Variants in SH3GL3 observed in about 807,000 individuals in gnomAD.
SH3GL3 encodes SH3 domain containing GRB2 like 3, endophilin A3, also known as endophilin-A3.
In SH3GL3, 33 loss-of-function variants were observed where a neutral mutation model predicts 47.7. The observed-to-expected ratio is 0.69, with a 90% CI of 0.52 to 0.92. The LOEUF (loss-of-function observed/expected upper bound fraction) is 0.92. Ranked by LOEUF, SH3GL3 falls within the 40% of genes least tolerant of loss-of-function variation. SH3GL3 has a pLI of 0.00. For missense variants in SH3GL3, 363 were observed against 417.8 expected (o/e 0.87, Z 1.14); for synonymous variants, 155 against 148.8 (o/e 1.04, Z -0.30).
At chr15:83,586,846 A>G (rs1046899195) in intron 6 of SH3GL3, 137 bp from the exon 7 acceptor site, 7 of 496,916 alleles carry the variant, frequency 1.4e-5, no homozygotes, top group Non-Finnish European at 2.2e-5. Flanking sequence ...CAGAGCTCCT[A>G]CATGAAATTA....
chr15:83,521,911 A>C (rs886274566), intron 1 of SH3GL3, among the ~76,000 whole-genome samples: 1 of 152,130 alleles, frequency 6.6e-6, no homozygotes, highest in Non-Finnish European at 1.5e-5. Context: ...ATATGCATTC[A>C]TTTTTGAGGT....
At chr15:83,589,568 G>C (rs1031793866) in intron 8 of SH3GL3, among the ~76,000 whole-genome samples, 8 of 151,710 alleles carry the variant, frequency 5.3e-5, no homozygotes, top group Non-Finnish European at 1.2e-4. Flanking sequence ...GTAGAGACAA[G>C]GTCTTACTTT....
rs1240784224 is a variant in SH3GL3 at position 83,587,185 on chromosome 15, CT to C, written c.728+100del. 31 of 622,956 alleles carry C rather than the reference CT, an allele frequency of 5.0e-5. No individual in the cohort carries two copies. In the East Asian group the frequency reaches 9.3e-4, roughly 19 times the overall value. The allele number at this position is 622,956 out of a possible 1,614,324, so 38.6% of individuals were successfully genotyped here. A position where few individuals can be genotyped will look rare whatever the true frequency, so the allele number is the denominator to read the frequency against. On this transcript the variant is annotated intron_variant, in intron 7 of 8. Coordinates refer to ENST00000427482, the MANE Select transcript of SH3GL3 (RefSeq NM_003027.5). Reference sequence around the variant, plus strand: ...TCCATCTCTCCATCTCCCCCTTCCCCTGCCTCATTCTGTTTTGAATTTTCTT... The same window carrying C: ...TCCATCTCTCCATCTCCCCCTTCCCCGCCTCATTCTGTTTTGAATTTTCTT...
intron 1 of SH3GL3, among the ~76,000 whole-genome samples, chr15:83,462,479 G>A (rs987551374): frequency 2.6e-5 from 4 of 152,178 alleles, no homozygotes; most frequent in African/African-American, 9.7e-5. Context: ...CCCTTTTACA[G>A]AGTTAGCACT....
At chr15:83,589,152 G>A (rs975463932) in intron 8 of SH3GL3, among the ~76,000 whole-genome samples, 1 of 152,020 alleles carries the variant, frequency 6.6e-6, no homozygotes, top group African/African-American at 2.4e-5. Context: ...TGATGCAAAT[G>A]TGTCTTTTAG....
chr15:83,551,403 A>G (rs1389727619), intron 1 of SH3GL3, among the ~76,000 whole-genome samples: 3 of 152,172 alleles, frequency 2.0e-5, no homozygotes, highest in Non-Finnish European at 4.4e-5. Context: ...GATATTTGTG[A>G]TGGGGAAGCT....
intron 1 of SH3GL3, among the ~76,000 whole-genome samples, chr15:83,494,095 G>A (rs903942209): frequency 6.6e-6 from 1 of 152,240 alleles, no homozygotes; most frequent in South Asian, 2.1e-4. Flanking sequence ...GGGAAGCTGG[G>A]ATATAATCAG....
intron 1 of SH3GL3, among the ~76,000 whole-genome samples, chr15:83,512,101 CAAGGGGGATA>C (rs2042782195): frequency 6.6e-6 from 1 of 152,064 alleles, no homozygotes; most frequent in Admixed American, 6.5e-5. Flanking sequence ...CAGGTCCTCT[CAAGGGGGATA>C]AATGCCACCT....
Position 83,589,415 on chromosome 15 carries a change from C to T in SH3GL3, c.838+644C>T, listed in dbSNP as rs192008563. ...TTTTTGAGACAAAGTCTTGCTCTGT[C>T]ACCCAGGCTGTAGTGCAATGGCATG... On this transcript the variant is annotated intron_variant, in intron 8 of 8. Coordinates refer to ENST00000427482, the MANE Select transcript of SH3GL3 (RefSeq NM_003027.5). Among the ~76,000 whole-genome samples the T allele has an allele frequency of 1.7e-3, 253 of 152,172 alleles. 1 individual carries two copies. Among genetic ancestry groups the T allele is most frequent in the Non-Finnish European group, 3.2e-3 (219 of 68,016 alleles).
Position 83,568,673 on chromosome 15 carries a change from G to A in SH3GL3, c.331+1G>A. ...GAGCTCGGGGAAGACTCCACCTTTG[G>A]TGAGTTATTCAGAGATCAGCTGGGG... On this transcript the variant is annotated splice_donor_variant, in intron 4 of 8. Transcript: ENST00000427482. LOFTEE classifies it high-confidence loss of function. 1 of 1,612,954 alleles carries A rather than the reference G, an allele frequency of 6.2e-7. No homozygotes were observed. Among genetic ancestry groups the A allele is most frequent in the Non-Finnish European group, 8.5e-7 (1 of 1,179,078 alleles).
chr15:83,503,365 G>C (rs1386834000), intron 1 of SH3GL3, among the ~76,000 whole-genome samples: 1 of 152,036 alleles, frequency 6.6e-6, no homozygotes, highest in African/African-American at 2.4e-5. Flanking sequence ...TTTTCTATGA[G>C]AATATGGATC....
At chr15:83,563,294 A>G (rs1177744961) in intron 2 of SH3GL3, among the ~76,000 whole-genome samples, 3 of 152,164 alleles carry the variant, frequency 2.0e-5, no homozygotes, top group Non-Finnish European at 2.9e-5. Context: ...TTTATCCATC[A>G]GTCTCCTGTT....
intron 2 of SH3GL3, among the ~76,000 whole-genome samples, chr15:83,563,765 A>G (rs2045396484): frequency 6.6e-6 from 1 of 151,980 alleles, no homozygotes; most frequent in African/African-American, 2.4e-5. Context: ...CAGCCTCCAA[A>G]ATAGCTGGGA....
intron 1 of SH3GL3, among the ~76,000 whole-genome samples, chr15:83,473,963 C>T (rs2040974867): frequency 6.6e-6 from 1 of 151,718 alleles, no homozygotes; most frequent in Admixed American, 6.6e-5. Flanking sequence ...ATGACCTTGT[C>T]CTTTCTTGGG....
chr15:83,474,846 T>G (rs1162044417), intron 1 of SH3GL3, among the ~76,000 whole-genome samples: 1 of 152,130 alleles, frequency 6.6e-6, no homozygotes, highest in Non-Finnish European at 1.5e-5. Context: ...AGCTGTCAAG[T>G]CATGATACAG....
In SH3GL3 at chr15:83,447,468, G is replaced by A; in HGVS notation, c.-66G>A. On this transcript the variant is annotated 5_prime_UTR_variant, in exon 1 of 9. Transcript: ENST00000427482. This position sits in a 1 kb window ranked among gnomAD's most constrained non-coding sequence, Gnocchi z 5.1. ...ACCGGCCCGGGCTCCCGCTCCCCGA[G>A]CGCGTCGCGGCCGCGTGGCCCAGCC... 7.2e-7 allele frequency: 1 copy of A among 1,389,706 alleles called. No homozygotes were observed. The highest frequency in any genetic ancestry group is 9.5e-7 in the Non-Finnish European group (1 of 1,058,026). 86.1% of individuals were successfully genotyped at this position (1,389,706 alleles called of 1,614,324 possible). A position where few individuals can be genotyped will look rare whatever the true frequency, so the allele number is the denominator to read the frequency against.
chr15:83,506,984 T>C (rs991742711), intron 1 of SH3GL3, among the ~76,000 whole-genome samples: 7 of 151,896 alleles, frequency 4.6e-5, no homozygotes, highest in Non-Finnish European at 1.0e-4. Flanking sequence ...TGGTTGTTAC[T>C]GAGGTTTGAA....
At chr15:83,552,300 T>A (rs1438629129) in intron 1 of SH3GL3, among the ~76,000 whole-genome samples, 2 of 152,246 alleles carry the variant, frequency 1.3e-5, no homozygotes, top group African/African-American at 4.8e-5. Flanking sequence ...TATACAATGA[T>A]TTTTGAATAC....
intron 6 of SH3GL3, among the ~76,000 whole-genome samples, chr15:83,579,424 G>A (rs1377831486): frequency 6.6e-6 from 1 of 152,172 alleles, no homozygotes; most frequent in Non-Finnish European, 1.5e-5. Context: ...TTCTACTTCT[G>A]CCATTGAGGT....
Sources: gnomAD v4.1 joint callset for allele counts (sites outside exome capture counted in the v4.1 genomes callset) on GRCh38, gnomAD v4.1.1 for gene constraint, Gnocchi (gnomAD v3.1) non-coding constraint, MANE v1.5 for transcripts, NCBI Gene and HGNC (gene_info 2026-07-23, HGNC 2026-07-21) for gene names.